Variants in KMT2C observed in about 807,000 individuals in gnomAD.
The protein encoded by KMT2C is lysine methyltransferase 2C.
A neutral mutation model predicts 507.9 loss-of-function variants in KMT2C; 88 were observed. The ratio of observed to expected loss-of-function variants is 0.17; its 90% CI spans 0.15 to 0.21. The LOEUF is 0.21. Among genes scored for constraint, KMT2C ranks in the 10% least tolerant of loss-of-function variants. The pLI is 1.00. For synonymous variants in KMT2C, 2,049 were observed against 2,080.8 expected (o/e 0.98, Z 0.42); for missense variants, 4,954 against 5,957.8 (o/e 0.83, Z 5.55).
chr7:152,179,553 A>G (rs1315431909), intron 37 of KMT2C, among the ~76,000 whole-genome samples: 1 of 151,770 alleles, frequency 6.6e-6, no homozygotes, highest in South Asian at 2.1e-4. Context: ...CAGATTATAT[A>G]TATTTCAAAG....
At chr7:152,288,022 C>CAAAAA (rs66951420) in intron 6 of KMT2C, among the ~76,000 whole-genome samples, 1 of 31,664 alleles carries the variant, frequency 3.2e-5, no homozygotes, top group East Asian at 8.2e-4. Flanking sequence ...GAGTCTGCCT[C>CAAAAA]AAAAAAAAAA....
At chr7:152,183,399 G>A (rs2093497963) in intron 34 of KMT2C, among the ~76,000 whole-genome samples, 1 of 152,118 alleles carries the variant, frequency 6.6e-6, no homozygotes, top group Admixed American at 6.5e-5. Flanking sequence ...GATCCTAGGT[G>A]TGATTTAATA....
intron 2 of KMT2C, among the ~76,000 whole-genome samples, chr7:152,350,966 T>C (rs2097106157): frequency 6.6e-6 from 1 of 152,174 alleles, no homozygotes; most frequent in African/African-American, 2.4e-5. Context: ...TTTTTGTTTC[T>C]CTGTTTTTGT....
rs148931490 is a variant in KMT2C, at chr7:152,185,950, A to G, written c.5009-319T>C. Among the ~76,000 whole-genome samples, 400 of 152,340 alleles carry G rather than the reference A, an allele frequency of 2.6e-3. 3 individuals carry two copies. Among genetic ancestry groups the G allele is most frequent in the Middle Eastern group, 0.017 (5 of 294 alleles). On this transcript the variant is annotated intron_variant, in intron 33 of 58. Transcript: ENST00000262189. The stretch of plus-strand genomic sequence containing the variant: ...CTGGTGGTAAGACACCACCAGAACC[A>G]AAGTACAAGTTTGTAAAACATCTGT...
intron 1 of KMT2C, among the ~76,000 whole-genome samples, chr7:152,418,116 T>G (rs1434937571): frequency 6.6e-6 from 1 of 151,840 alleles, no homozygotes; most frequent in Non-Finnish European, 1.5e-5. Context: ...AATTTTTGTA[T>G]CTTAGTAGAG....
chr7:152,313,210 C>G (rs537010897), intron 4 of KMT2C, among the ~76,000 whole-genome samples: 1 of 148,138 alleles, frequency 6.8e-6, no homozygotes, highest in Non-Finnish European at 1.5e-5. Flanking sequence ...ATATATGCTC[C>G]ATTACAAATC....
At chr7:152,230,460 A>T in intron 16 of KMT2C, 139 bp from the exon 17 acceptor site, 1 of 476,024 alleles carries the variant, frequency 2.1e-6, no homozygotes, top group Non-Finnish European at 3.8e-6. Flanking sequence ...TATTAATGCT[A>T]AGATACTACC....
At chr7:152,234,144 T>G (rs1267765889) in intron 16 of KMT2C, among the ~76,000 whole-genome samples, 1 of 151,500 alleles carries the variant, frequency 6.6e-6, no homozygotes, top group Non-Finnish European at 1.5e-5. Context: ...TTCCAACACT[T>G]TGGGAGGCCG....
At chr7:152,201,036 GT>G (rs1166173191) in intron 26 of KMT2C, among the ~76,000 whole-genome samples, 2 of 152,222 alleles carry the variant, frequency 1.3e-5, no homozygotes, top group East Asian at 1.9e-4. Flanking sequence ...AGCAGAAAGC[GT>G]TTTAGAAGTT....
chr7:152,364,975 C>T (rs528279175), intron 1 of KMT2C, among the ~76,000 whole-genome samples: 2 of 143,656 alleles, frequency 1.4e-5, no homozygotes, highest in African/African-American at 5.5e-5. Context: ...ACACACGTAC[C>T]AGTAAGGTAC....
At position 152,235,207 on chromosome 7, in the gene KMT2C, G is replaced by GTATGTATATATATATATATA. The variant is rs950086494; in HGVS notation, c.2769+609_2769+610insTATATATATATATATACATA. Among the ~76,000 whole-genome samples, 807 of 142,450 alleles carry GTATGTATATATATATATATA rather than the reference G, an allele frequency of 5.7e-3. 29 individuals are homozygous for GTATGTATATATATATATATA. The highest frequency in any genetic ancestry group is 0.021 in the African/African-American group (753 of 36,656). The allele number at this position is 142,450 out of a possible 152,430, so 93.5% of individuals were successfully genotyped here. A position where few individuals can be genotyped will look rare whatever the true frequency, so the allele number is the denominator to read the frequency against. ...TGATTGTGGTATCGTTTTCAAGGGT[G>GTATGTATATATATATATATA]TATATATATATATATATCAAAGCTT... On this transcript the variant is annotated intron_variant, in intron 16 of 58. Coordinates refer to ENST00000262189, the MANE Select transcript of KMT2C (RefSeq NM_170606.3).
chr7:152,384,952 T>TTAGTCAC (rs2097410032), intron 1 of KMT2C, among the ~76,000 whole-genome samples: 2 of 152,216 alleles, frequency 1.3e-5, no homozygotes, highest in African/African-American at 4.8e-5. Flanking sequence ...TCTTAATGAA[T>TTAGTCAC]CAACAGATCT....
At chr7:152,394,973 T>G (rs1481008679) in intron 1 of KMT2C, among the ~76,000 whole-genome samples, 1 of 152,188 alleles carries the variant, frequency 6.6e-6, no homozygotes, top group Non-Finnish European at 1.5e-5. Context: ...ATTAAAATTT[T>G]TCTTATTTGA....
intron 6 of KMT2C, among the ~76,000 whole-genome samples, chr7:152,286,804 G>A (rs2096306228): frequency 1.3e-5 from 2 of 151,990 alleles, no homozygotes; most frequent in South Asian, 4.1e-4. Context: ...ATATATACAA[G>A]AAAAGTTGCT....
At chr7:152,288,438 G>T (rs1563734992) in intron 6 of KMT2C, among the ~76,000 whole-genome samples, 2 of 151,984 alleles carry the variant, frequency 1.3e-5, no homozygotes. Flanking sequence ...GGAGGCTGAG[G>T]CAGGAGAATC....
intron 23 of KMT2C, among the ~76,000 whole-genome samples, chr7:152,209,143 G>C (rs1199197774): frequency 7.5e-5 from 10 of 134,040 alleles, no homozygotes; most frequent in Non-Finnish European, 1.4e-4. Flanking sequence ...TGAGCAGCAA[G>C]AGTGAAATTC....
At chr7:152,204,600 TA>T (rs2094243910) in intron 25 of KMT2C, among the ~76,000 whole-genome samples, 1 of 79,976 alleles carries the variant, frequency 1.3e-5, no homozygotes, top group South Asian at 3.2e-4. Flanking sequence ...CCTAGATAGA[TA>T]GATAGATAGA....
intron 34 of KMT2C, among the ~76,000 whole-genome samples, chr7:152,185,053 G>A (rs1173996391): frequency 6.6e-6 from 1 of 152,122 alleles, no homozygotes; most frequent in African/African-American, 2.4e-5. Context: ...CACTGTGCCT[G>A]GCCCCTCCTG....
At chr7:152,201,617 GAA>G (rs745427209) in intron 26 of KMT2C, among the ~76,000 whole-genome samples, 74 of 22,894 alleles carry the variant, frequency 3.2e-3, no homozygotes, top group African/African-American at 3.8e-3. Context: ...CAACAAAGAT[GAA>G]AAAAAAAAAA....
Sources: gnomAD v4.1 joint callset for allele counts (sites outside exome capture counted in the v4.1 genomes callset) on GRCh38, gnomAD v4.1.1 for gene constraint, MANE v1.5 for transcripts, NCBI Gene and HGNC (gene_info 2026-07-23, HGNC 2026-07-21) for gene names.